The following NAALADL2 variants were observed in gnomAD, a reference collection of about 807,000 sequenced individuals.
NAALADL2 encodes the protein inactive N-acetylated-alpha-linked acidic dipeptidase-like protein 2.
NAALADL2 carries 76 observed loss-of-function variants against 87.2 expected under a neutral mutation model. The observed-to-expected ratio is 0.87, with a 90% CI of 0.72 to 1.05. The LOEUF (loss-of-function observed/expected upper bound fraction) is 1.05. NAALADL2 is among the 50% of genes least tolerant of loss of function. NAALADL2 has a pLI of 0.00. For synonymous variants in NAALADL2, 354 were observed against 331.0 expected (o/e 1.07, Z -0.75); for missense variants, 1,089 against 945.8 (o/e 1.15, Z -1.99).
At chr3:175,615,518 G>T (rs1725219628) in intron 10 of NAALADL2, among the ~76,000 whole-genome samples, 1 of 152,022 alleles carries the variant, frequency 6.6e-6, no homozygotes, top group African/African-American at 2.4e-5. Flanking sequence ...TAAGCAACTT[G>T]CCATAAAGCA....
At chr3:174,859,514 A>G (rs1159249054) in intron 1 of NAALADL2, 64 bp downstream of exon 1, 12 of 1,364,286 alleles carry the variant, frequency 8.8e-6, no homozygotes, top group Non-Finnish European at 1.2e-5. Context: ...AGTGTTGATT[A>G]CAAAGTCTGT....
chr3:175,522,059 A>G (rs1314582716), intron 9 of NAALADL2, among the ~76,000 whole-genome samples: 2 of 152,178 alleles, frequency 1.3e-5, no homozygotes, highest in Non-Finnish European at 2.9e-5. Flanking sequence ...TTAGTGCATG[A>G]TATGAAGATT....
chr3:174,696,015 G>A (rs1210975159), intron 2 of NAALADL2, among the ~76,000 whole-genome samples: 1 of 151,938 alleles, frequency 6.6e-6, no homozygotes, highest in Non-Finnish European at 1.5e-5. Flanking sequence ...GATTTTTCCA[G>A]GCTAAAATGC....
chr3:175,441,884 T>G (rs1719828309), intron 5 of NAALADL2, among the ~76,000 whole-genome samples: 1 of 152,168 alleles, frequency 6.6e-6, no homozygotes, highest in South Asian at 2.1e-4. Flanking sequence ...CTCTGAAGGT[T>G]TATCTTCCCT....
chr3:174,610,426 G>C (rs1282110825), intron 2 of NAALADL2, among the ~76,000 whole-genome samples: 2 of 151,222 alleles, frequency 1.3e-5, no homozygotes, highest in Non-Finnish European at 2.9e-5. Context: ...TCTGACAAAG[G>C]GCTAATATCC....
chr3:174,659,393 A>G (rs1319112329), intron 2 of NAALADL2, among the ~76,000 whole-genome samples: 1 of 152,214 alleles, frequency 6.6e-6, no homozygotes, highest in Non-Finnish European at 1.5e-5. Flanking sequence ...ACTAGTTCAT[A>G]TTCTTTGCTA....
At chr3:175,196,922 G>T (rs1739099196) in intron 2 of NAALADL2, among the ~76,000 whole-genome samples, 1 of 151,698 alleles carries the variant, frequency 6.6e-6, no homozygotes, top group Admixed American at 6.6e-5. Flanking sequence ...TAGCAATTTT[G>T]GCATCACTAG....
At chr3:175,654,880 G>A (rs1020465904) in intron 11 of NAALADL2, among the ~76,000 whole-genome samples, 8 of 151,836 alleles carry the variant, frequency 5.3e-5, no homozygotes, top group Admixed American at 2.0e-4. Flanking sequence ...TGTTATTTAA[G>A]GTTTCTGATA....
At chr3:174,688,372 C>A (rs918027761) in intron 2 of NAALADL2, among the ~76,000 whole-genome samples, 5 of 151,586 alleles carry the variant, frequency 3.3e-5, no homozygotes, top group African/African-American at 1.2e-4. Context: ...TTAGAATTAT[C>A]ATTAGAAATT....
intron 3 of NAALADL2, among the ~76,000 whole-genome samples, chr3:174,840,554 T>C (rs554747377): frequency 6.6e-6 from 1 of 152,308 alleles, no homozygotes; most frequent in South Asian, 2.1e-4. Flanking sequence ...TTTGCCTCTA[T>C]TTTTAGATGT....
chr3:175,102,747 G>C (rs1410476602), intron 2 of NAALADL2, among the ~76,000 whole-genome samples: 1 of 152,122 alleles, frequency 6.6e-6, no homozygotes, highest in Admixed American at 6.5e-5. Flanking sequence ...ACTGTGAAAT[G>C]ATCTTTATAA....
At chr3:174,833,294 A>G (rs1243635925) in intron 3 of NAALADL2, among the ~76,000 whole-genome samples, 1 of 152,212 alleles carries the variant, frequency 6.6e-6, no homozygotes, top group East Asian at 1.9e-4. Flanking sequence ...ATGTAAATTC[A>G]TTGAACATCT....
intron 2 of NAALADL2, among the ~76,000 whole-genome samples, chr3:175,206,301 T>C (rs1740883048): frequency 7.5e-6 from 1 of 132,692 alleles, no homozygotes; most frequent in African/African-American, 3.3e-5. Context: ...TATGTGTATA[T>C]ATATATATAT....
At chr3:175,577,138 T>C (rs1336022679) in intron 10 of NAALADL2, among the ~76,000 whole-genome samples, 1 of 152,186 alleles carries the variant, frequency 6.6e-6, no homozygotes, top group East Asian at 1.9e-4. Flanking sequence ...TTAGAGAGAA[T>C]AGTATAGCCT....
At chr3:175,609,301 A>G (rs775902264) in intron 10 of NAALADL2, among the ~76,000 whole-genome samples, 6 of 152,184 alleles carry the variant, frequency 3.9e-5, no homozygotes, top group Non-Finnish European at 8.8e-5. Context: ...ATTAATATAA[A>G]TAAGACCTCC....
intron 9 of NAALADL2, among the ~76,000 whole-genome samples, chr3:175,480,813 A>AT (rs1422255791): frequency 1.3e-5 from 2 of 151,900 alleles, no homozygotes; most frequent in East Asian, 3.9e-4. Context: ...GGTGATTGAC[A>AT]TTTTCACTTT....
intron 1 of NAALADL2, among the ~76,000 whole-genome samples, chr3:174,490,890 A>G (rs902880550): frequency 9.9e-5 from 15 of 152,060 alleles, no homozygotes; most frequent in Non-Finnish European, 1.9e-4. Flanking sequence ...ATTTAGTACC[A>G]CCATCAATTT....
At chr3:175,077,944 G>T (rs1054462452) in intron 1 of NAALADL2, among the ~76,000 whole-genome samples, 1 of 151,764 alleles carries the variant, frequency 6.6e-6, no homozygotes, top group Non-Finnish European at 1.5e-5. Flanking sequence ...CACCATTTTT[G>T]CTCTAGCCTA....
At chr3:175,425,082 G>C (rs930540859) in intron 5 of NAALADL2, among the ~76,000 whole-genome samples, 3 of 152,136 alleles carry the variant, frequency 2.0e-5, no homozygotes, top group African/African-American at 4.8e-5. Context: ...GGGATATTAA[G>C]TATGAGGGAA....
Sources: gnomAD v4.1 joint callset for allele counts (sites outside exome capture counted in the v4.1 genomes callset) on GRCh38, gnomAD v4.1.1 for gene constraint, MANE v1.5 for transcripts, NCBI Gene and HGNC (gene_info 2026-07-23, HGNC 2026-07-21) for gene names.